The following ZNF197 variants were observed in gnomAD, a reference collection of about 807,000 sequenced individuals.
ZNF197 encodes the protein VHL-associated KRAB-A domain-containing protein.
In ZNF197, 14 loss-of-function variants were observed where a neutral mutation model predicts 27.4. The observed-to-expected ratio is 0.51, with a 90% confidence interval of 0.34 to 0.80. The LOEUF (loss-of-function observed/expected upper bound fraction) is 0.80. ZNF197 is among the 30% of genes least tolerant of loss of function. The pLI, the probability that ZNF197 is intolerant of heterozygous loss-of-function variation, is 0.02. For synonymous variants in ZNF197, 415 were observed against 420.0 expected (o/e 0.99, Z 0.15); for missense variants, 1,090 against 1,222.6 (o/e 0.89, Z 1.62).
chr3:44,641,653 G>A (rs1350451713), intron 5 of ZNF197, among the ~76,000 whole-genome samples: 2 of 152,112 alleles, frequency 1.3e-5, no homozygotes, highest in African/African-American at 2.4e-5. Flanking sequence ...AGCATTATTT[G>A]TATTTTTCTA....
At chr3:44,632,675 T>C in intron 5 of ZNF197, 76 bp downstream of exon 5, 1 of 1,358,624 alleles carries the variant, frequency 7.4e-7, no homozygotes, top group Non-Finnish European at 9.6e-7. Flanking sequence ...AAAAGTAGCA[T>C]ATATGTATTT....
At position 44,642,527 on chromosome 3, in the gene ZNF197, A is replaced by G. The variant is rs1559473616; in HGVS notation, c.1397A>G (p.His466Arg). The G allele has an allele frequency of 6.2e-7, 1 of 1,614,038 alleles. No homozygotes were observed. The highest frequency in any genetic ancestry group is 8.5e-7 in the Non-Finnish European group (1 of 1,179,970). ...GAGTGTGGAAAGGGCTTCTATAGGC[A>G]CTCAGGCCTAATTATACATCTAAGG... ...CKECGKGFYRHSGLIIHLRRH... is the reference protein window; with the variant it reads ...CKECGKGFYRRSGLIIHLRRH... The change falls in exon 6 of 6, where the codon CAC becomes CGC. Residue 466 changes from histidine to arginine, a missense_variant. His to Arg is a conservative substitution (Grantham distance 29). Transcript: ENST00000344387.
In ZNF197 at chr3:44,629,061, T is replaced by G; in HGVS notation, c.-81-13T>G. On this transcript the variant is annotated splice_polypyrimidine_tract_variant and intron_variant, in intron 1 of 5. Transcript: ENST00000344387. ...TGGGCTAACTTTAACAATGATTTCT[T>G]GAGGTCTTGTAGATGATACTCTCCA... is the stretch of plus-strand genomic sequence containing the variant. The G allele has an allele frequency of 6.7e-7, 1 of 1,502,966 alleles. No individual in the cohort carries two copies. The highest frequency in any genetic ancestry group is 8.9e-7 in the Non-Finnish European group (1 of 1,126,780). The allele number at this position is 1,502,966 out of a possible 1,614,324, so 93.1% of individuals were successfully genotyped here. A position where few individuals can be genotyped will look rare whatever the true frequency, so the allele number is the denominator to read the frequency against.
Position 44,644,150 on chromosome 3 carries a change from T to C in ZNF197, c.3020T>C (p.Ile1007Thr). 6.2e-7 allele frequency: 1 copy of C among 1,613,664 alleles called. No homozygotes were observed. The highest frequency in any genetic ancestry group is 8.5e-7 in the Non-Finnish European group (1 of 1,179,924). The change falls in exon 6 of 6, where the codon ATC becomes ACC. Residue 1007 changes from isoleucine (I) to threonine (T), a missense_variant. Coordinates refer to ENST00000344387, the MANE Select transcript of ZNF197 (RefSeq NM_006991.5). ...QTSNLHLQQK[I>T]HTIEEFSWLQ... is the part of the protein sequence containing the mutation. ...TCCAACCTTCATCTTCAACAGAAAA[T>C]CCATACCATTGAGGAATTCTCTTGG...
chr3:44,639,519 T>G (rs568175611), intron 5 of ZNF197, among the ~76,000 whole-genome samples: 2 of 152,016 alleles, frequency 1.3e-5, no homozygotes, highest in South Asian at 4.2e-4. Flanking sequence ...GTTGTAGATC[T>G]ACTCAGATTT....
In ZNF197 at chr3:44,644,251, C is replaced by G; in HGVS notation, c.*31C>G. ...TATGTAAAATGGAATAGAATCCCTGCCTACTTAAGTAACTGTTGGACAAAT... is the reference window on the plus strand; with the variant it reads ...TATGTAAAATGGAATAGAATCCCTGGCTACTTAAGTAACTGTTGGACAAAT... On this transcript the variant is annotated 3_prime_UTR_variant, in exon 6 of 6. Coordinates refer to ENST00000344387, the MANE Select transcript of ZNF197 (RefSeq NM_006991.5). 1 of 1,545,396 alleles carries G rather than the reference C, an allele frequency of 6.5e-7. No homozygotes were observed. Among genetic ancestry groups the G allele is most frequent in the Non-Finnish European group, 8.7e-7 (1 of 1,152,196 alleles).
At chr3:44,641,836 G>A (rs1702617698) in intron 5 of ZNF197, 64 bp from the exon 6 acceptor site, 9 of 1,471,978 alleles carry the variant, frequency 6.1e-6, no homozygotes, top group African/African-American at 4.3e-5. Context: ...AAAGTCATTT[G>A]AAGATCCTGT....
chr3:44,630,403 T>C (rs2125796653), intron 2 of ZNF197, among the ~76,000 whole-genome samples: 1 of 152,350 alleles, frequency 6.6e-6, no homozygotes, highest in African/African-American at 2.4e-5. Flanking sequence ...CTCTCATGTG[T>C]GTGAGATTTC....
intron 5 of ZNF197, among the ~76,000 whole-genome samples, chr3:44,641,380 A>G (rs1277828887): frequency 6.6e-6 from 1 of 152,158 alleles, no homozygotes; most frequent in Non-Finnish European, 1.5e-5. Context: ...TTTTCAATGG[A>G]TTTCTTTTCT....
intron 5 of ZNF197, among the ~76,000 whole-genome samples, chr3:44,634,874 T>C (rs1171816105): frequency 6.6e-6 from 1 of 151,976 alleles, no homozygotes; most frequent in Non-Finnish European, 1.5e-5. Context: ...CTTTTTGAGA[T>C]GGCAGCCTCA....
In ZNF197 at chr3:44,643,260, G is replaced by A. The variant is rs1398173802; in HGVS notation, c.2130G>A (p.Glu710=). ...HNGEKPYECR[E]CGKTFIMSKS... ...GGGAGAAGCCATATGAATGTCGAGA[G>A]TGTGGGAAAACCTTTATTATGAGCA... Residue 710 remains glutamate, a synonymous_variant, in exon 6 of 6, where the codon GAG becomes GAA. Transcript: ENST00000344387. 2 of 1,614,144 alleles carry A rather than the reference G, an allele frequency of 1.2e-6. No homozygotes were observed. The highest frequency in any genetic ancestry group is 2.2e-5 in the East Asian group (1 of 44,884).
chr3:44,642,339 T>C lies in ZNF197; in HGVS notation c.1209T>C (p.Cys403=), dbSNP rs1222721119. 1 of 1,614,062 alleles carries C rather than the reference T, an allele frequency of 6.2e-7. No individual in the cohort carries two copies. Among genetic ancestry groups the C allele is most frequent in the Non-Finnish European group, 8.5e-7 (1 of 1,180,034 alleles). ...TGEKPHKCKE[C]GKGFIQRSSL... is the part of the protein sequence containing the mutation. Reference sequence around the variant, plus strand: ...AGAAACCTCATAAATGTAAGGAATGTGGAAAAGGCTTTATTCAGCGTTCGA... The same window carrying C: ...AGAAACCTCATAAATGTAAGGAATGCGGAAAAGGCTTTATTCAGCGTTCGA... The change falls in exon 6 of 6, where the codon TGT becomes TGC. Residue 403 remains cysteine (C), a synonymous_variant. Transcript: ENST00000344387.
At position 44,644,024 on chromosome 3, in the gene ZNF197, A is replaced by G. The variant is rs1280909429; in HGVS notation, c.2894A>G (p.Lys965Arg). 9 of 1,614,076 alleles carry G rather than the reference A, an allele frequency of 5.6e-6. 1 individual carries two copies. The South Asian group carries it at 9.9e-5, about 18-fold the overall frequency. ...CCCTATGGGTGTAATGATTGTAGTA[A>G]AGTTTTTAGGCAAAGAAAAAACCTT... The part of the protein sequence containing the change: ...EKPYGCNDCS[K>R]VFRQRKNLTV... The change falls in exon 6 of 6, where the codon AAA becomes AGA. Residue 965 changes from lysine (K) to arginine (R), a missense_variant. Transcript: ENST00000344387.
intron 5 of ZNF197, among the ~76,000 whole-genome samples, chr3:44,639,285 T>C (rs1313121603): frequency 1.3e-5 from 2 of 152,158 alleles, no homozygotes; most frequent in East Asian, 3.8e-4. Flanking sequence ...ATAGTTTTCT[T>C]TTTTGTGATG....
chr3:44,635,830 T>G (rs1702256385), intron 5 of ZNF197, among the ~76,000 whole-genome samples: 1 of 152,126 alleles, frequency 6.6e-6, no homozygotes, highest in Non-Finnish European at 1.5e-5. Flanking sequence ...CTGGGAATGA[T>G]GGAAGGATTG....
chr3:44,625,509 C>T (rs1209476448), intron 1 of ZNF197, among the ~76,000 whole-genome samples: 1 of 152,124 alleles, frequency 6.6e-6, no homozygotes, highest in Non-Finnish European at 1.5e-5. Context: ...TCTGAGGTTT[C>T]CCTATTACCG....
chr3:44,646,072 A>G lies in ZNF197; in HGVS notation c.*1852A>G. 1.0e-6 allele frequency: 1 copy of G among 985,274 alleles called. No homozygotes were observed. Among genetic ancestry groups the G allele is most frequent in the Non-Finnish European group, 1.2e-6 (1 of 829,926 alleles). The allele number at this position is 985,274 out of a possible 1,614,324, so 61.0% of individuals were successfully genotyped here. ...ACAGTTTCTTGGGGGCTGGTTCCTCATTAGAGTGAAAGGTAGCCAAGAGTG... is the reference window on the plus strand; with the variant it reads ...ACAGTTTCTTGGGGGCTGGTTCCTCGTTAGAGTGAAAGGTAGCCAAGAGTG... On this transcript the variant is annotated 3_prime_UTR_variant, in exon 6 of 6. Coordinates refer to ENST00000344387, the MANE Select transcript of ZNF197 (RefSeq NM_006991.5).
intron 1 of ZNF197, among the ~76,000 whole-genome samples, chr3:44,628,222 A>C: frequency 6.6e-6 from 1 of 152,210 alleles, no homozygotes; most frequent in East Asian, 1.9e-4. Flanking sequence ...GACATAGTTC[A>C]GAATAATAGC....
intron 4 of ZNF197, 66 bp from the exon 5 acceptor site, chr3:44,632,402 AGAAGT>A: frequency 6.5e-7 from 1 of 1,534,712 alleles, no homozygotes; most frequent in Non-Finnish European, 8.8e-7. Context: ...TCCCTTCCCC[AGAAGT>A]GAAGGGAACC....
Sources: allele counts gnomAD v4.1 joint callset (sites outside exome capture counted in the v4.1 genomes callset), GRCh38; gene constraint gnomAD v4.1.1; transcripts MANE v1.5; gene names NCBI Gene and HGNC (gene_info 2026-07-23, HGNC 2026-07-21).